CAMTA1: variants seen among roughly 807,000 people sequenced by gnomAD.
The protein encoded by CAMTA1 is calmodulin binding transcription activator 1.
In CAMTA1, 27 loss-of-function variants were observed where a neutral mutation model predicts 170.9. The ratio of observed to expected loss-of-function variants is 0.16; its 90% CI spans 0.12 to 0.22. The LOEUF is 0.22. Among genes scored for constraint, CAMTA1 ranks in the 10% least tolerant of loss-of-function variants. The pLI, the probability that CAMTA1 is intolerant of heterozygous loss-of-function variation, is 1.00. For synonymous variants in CAMTA1, 833 were observed against 891.5 expected (o/e 0.93, Z 1.17); for missense variants, 1,619 against 2,217.2 (o/e 0.73, Z 5.42).
intron 5 of CAMTA1, among the ~76,000 whole-genome samples, chr1:7,339,575 G>C (rs752848870): frequency 1.3e-5 from 2 of 151,896 alleles, no homozygotes; most frequent in Admixed American, 1.3e-4. Context: ...ACTCTGTTTT[G>C]TTTGTTTGTT....
intron 3 of CAMTA1, among the ~76,000 whole-genome samples, chr1:6,892,336 G>C (rs1674680442): frequency 6.6e-6 from 1 of 152,136 alleles, no homozygotes; most frequent in African/African-American, 2.4e-5. Flanking sequence ...GCAGGCTCTG[G>C]GATAACTGCG....
chr1:7,548,443 T>G (rs1575958897), intron 6 of CAMTA1, among the ~76,000 whole-genome samples: 2 of 127,678 alleles, frequency 1.6e-5, no homozygotes, highest in African/African-American at 3.1e-5. Flanking sequence ...GGAGTGGAGG[T>G]GCTGGTGGAG....
At chr1:6,801,711 T>C (rs1335509677) in intron 1 of CAMTA1, among the ~76,000 whole-genome samples, 1 of 151,830 alleles carries the variant, frequency 6.6e-6, no homozygotes, top group African/African-American at 2.4e-5. Flanking sequence ...TGAAGCTTAA[T>C]GAGAAAACTA....
chr1:7,762,893 T>C (rs2096986181), intron 22 of CAMTA1, among the ~76,000 whole-genome samples: 1 of 152,234 alleles, frequency 6.6e-6, no homozygotes, highest in Non-Finnish European at 1.5e-5. Flanking sequence ...AATGTAATTG[T>C]TGTTAATTTC....
At position 7,487,133 on chromosome 1, in the gene CAMTA1, G is replaced by T. The variant is rs80104354; in HGVS notation, c.510+19232G>T. 2.0e-5 allele frequency among the ~76,000 whole-genome samples: 3 copies of T among 152,322 alleles called. No homozygotes were observed. The East Asian group carries it at 5.8e-4, about 29-fold the overall frequency. On this transcript the variant is annotated intron_variant, in intron 6 of 22. Coordinates refer to ENST00000303635, the MANE Select transcript of CAMTA1 (RefSeq NM_015215.4). Reference sequence around the variant, plus strand: ...AGGAGGGGCTCCTTTCTGACCCGCAGCTGGTCTGTCTCCCATCTATGCGTC... The same window carrying T: ...AGGAGGGGCTCCTTTCTGACCCGCATCTGGTCTGTCTCCCATCTATGCGTC...
chr1:7,751,123 C>T (rs978490357), intron 19 of CAMTA1, 76 bp from the exon 20 acceptor site: 10 of 1,170,656 alleles, frequency 8.5e-6, no homozygotes, highest in Middle Eastern at 2.0e-4. Flanking sequence ...TTCTTCCCTT[C>T]CCGGTAAGCT....
At chr1:7,029,752 A>G (rs977392179) in intron 3 of CAMTA1, among the ~76,000 whole-genome samples, 3 of 152,166 alleles carry the variant, frequency 2.0e-5, no homozygotes, top group African/African-American at 4.8e-5. Context: ...CAGCTATACT[A>G]TTTACTGCAT....
intron 6 of CAMTA1, among the ~76,000 whole-genome samples, chr1:7,519,284 C>T (rs1481241448): frequency 6.6e-6 from 1 of 151,898 alleles, no homozygotes; most frequent in East Asian, 1.9e-4. Context: ...TGGGCAGGGG[C>T]CAGGAGAGGT....
chr1:7,717,309 A>T (rs2096617742), intron 11 of CAMTA1, among the ~76,000 whole-genome samples: 2 of 152,154 alleles, frequency 1.3e-5, no homozygotes, highest in African/African-American at 4.8e-5. Flanking sequence ...TTAATGAACA[A>T]ATGTACTCCA....
At chr1:7,368,505 C>G (rs1351616170) in intron 5 of CAMTA1, among the ~76,000 whole-genome samples, 3 of 152,106 alleles carry the variant, frequency 2.0e-5, no homozygotes, top group African/African-American at 7.2e-5. Context: ...ACAAAGCAGT[C>G]CTATTTGCCC....
chr1:7,069,445 G>A (rs6686288), intron 3 of CAMTA1, among the ~76,000 whole-genome samples: 88,591 of 152,038 alleles, frequency 0.58, 26,259 homozygotes, highest in African/African-American at 0.61. Flanking sequence ...ACTGAAAATG[G>A]GATGCAGGGG....
At chr1:6,920,781 G>C (rs1681833255) in intron 3 of CAMTA1, among the ~76,000 whole-genome samples, 1 of 152,234 alleles carries the variant, frequency 6.6e-6, no homozygotes, top group South Asian at 2.1e-4. Flanking sequence ...TGAAGCAACA[G>C]CCTGAGCTAT....
At chr1:7,188,633 A>G (rs1424251282) in intron 4 of CAMTA1, among the ~76,000 whole-genome samples, 1 of 152,216 alleles carries the variant, frequency 6.6e-6, no homozygotes, top group Admixed American at 6.5e-5. Flanking sequence ...ATGTTGTAGC[A>G]GGTATGAAAC....
chr1:7,654,914 A>G (rs770331898), intron 7 of CAMTA1, among the ~76,000 whole-genome samples: 164 of 146,112 alleles, frequency 1.1e-3, no homozygotes, highest in Non-Finnish European at 2.0e-3. Context: ...ACCCACAAAC[A>G]CACCCATCTA....
intron 5 of CAMTA1, among the ~76,000 whole-genome samples, chr1:7,449,778 A>G (rs1422505762): frequency 4.6e-5 from 7 of 151,148 alleles, no homozygotes; most frequent in Non-Finnish European, 8.9e-5. Context: ...TCAAAAAAAA[A>G]AAAAAAAAAA....
intron 5 of CAMTA1, among the ~76,000 whole-genome samples, chr1:7,393,891 C>T (rs1002756810): frequency 6.6e-6 from 1 of 152,202 alleles, no homozygotes; most frequent in African/African-American, 2.4e-5. Context: ...ATTCTACTCT[C>T]TACGTCTATG....
chr1:7,165,684 G>T (rs574411614), intron 4 of CAMTA1, among the ~76,000 whole-genome samples: 1 of 152,150 alleles, frequency 6.6e-6, no homozygotes, highest in Non-Finnish European at 1.5e-5. Context: ...CACCCGTCTC[G>T]TCCTCCCAAA....
intron 5 of CAMTA1, among the ~76,000 whole-genome samples, chr1:7,359,503 A>G (rs762076007): frequency 6.6e-6 from 1 of 152,112 alleles, no homozygotes; most frequent in Non-Finnish European, 1.5e-5. Flanking sequence ...TAGCACCACA[A>G]TCCTCCTCAT....
chr1:7,455,436 A>G lies in CAMTA1; in HGVS notation c.439-12394A>G, dbSNP rs2092927604. On this transcript the variant is annotated intron_variant, in intron 5 of 22. Coordinates refer to ENST00000303635, the MANE Select transcript of CAMTA1 (RefSeq NM_015215.4). This position sits in a 1 kb window ranked among gnomAD's most constrained non-coding sequence, Gnocchi z 5.0. Reference sequence around the variant, plus strand: ...AAGAGGAGAGAGTAATTCTAACCTTAAAAATCTGCTGATGAAAGCTGGTTT... The same window carrying G: ...AAGAGGAGAGAGTAATTCTAACCTTGAAAATCTGCTGATGAAAGCTGGTTT... Among the ~76,000 whole-genome samples, 1 of 152,232 alleles carries G rather than the reference A, an allele frequency of 6.6e-6. No individual in the cohort carries two copies. The highest frequency in any genetic ancestry group is 2.1e-4 in the South Asian group (1 of 4,834).
Sources: gnomAD v4.1 joint callset for allele counts (sites outside exome capture counted in the v4.1 genomes callset) on GRCh38, gnomAD v4.1.1 for gene constraint, Gnocchi (gnomAD v3.1) non-coding constraint, MANE v1.5 for transcripts, NCBI Gene and HGNC (gene_info 2026-07-23, HGNC 2026-07-21) for gene names.